BCAS3: variants seen among roughly 807,000 people sequenced by gnomAD.
BCAS3 encodes the protein BCAS3 microtubule associated cell migration factor.
BCAS3 carries 53 observed loss-of-function variants against 116.1 expected under a neutral mutation model. The observed-to-expected ratio is 0.46, with a 90% CI of 0.37 to 0.57. The LOEUF is 0.57. Among genes scored for constraint, BCAS3 ranks in the 20% least tolerant of loss-of-function variants. The pLI is 0.00. For synonymous variants in BCAS3, 391 were observed against 408.2 expected, an observed-to-expected ratio of 0.96 and a Z score of 0.51; for missense variants, 917 against 1,165.4, an observed-to-expected ratio of 0.79 and a Z score of 3.10.
Position 61,118,215 on chromosome 17 carries a change from C to T in BCAS3, c.2425+33651C>T, listed in dbSNP as rs1439236739. 6.6e-6 allele frequency among the ~76,000 whole-genome samples: 1 copy of T among 152,074 alleles called. No homozygotes were observed. Among genetic ancestry groups the T allele is most frequent in the East Asian group, 1.9e-4 (1 of 5,188 alleles). The stretch of plus-strand genomic sequence containing the variant: ...CGTTTCTGCCAGGTGGAGGTAGAAG[C>T]CCAGGTTCCTTACCACACTACTGTT... On this transcript the variant is annotated intron_variant, in intron 22 of 23. Transcript: ENST00000407086. The surrounding 1 kb of genome is among the most constrained non-coding windows in gnomAD (Gnocchi z 5.0).
chr17:61,322,838 G>GAGAGAGAGAGAGAGAGAGAC (rs2055392085), intron 22 of BCAS3, among the ~76,000 whole-genome samples: 3 of 139,132 alleles, frequency 2.2e-5, no homozygotes, highest in African/African-American at 9.4e-5. Context: ...GACAGAGAGA[G>GAGAGAGAGAGAGAGAGAGAC]AGAGAGAGAG....
chr17:61,197,587 CA>C (rs1283957182), intron 22 of BCAS3, among the ~76,000 whole-genome samples: 1 of 152,156 alleles, frequency 6.6e-6, no homozygotes, highest in Non-Finnish European at 1.5e-5. Flanking sequence ...GTGATCATCT[CA>C]GATACCTCCT....
At chr17:60,943,596 G>A (rs1414014797) in intron 13 of BCAS3, among the ~76,000 whole-genome samples, 1 of 152,046 alleles carries the variant, frequency 6.6e-6, no homozygotes, top group African/African-American at 2.4e-5. Flanking sequence ...AACTACACAT[G>A]TCCACAATTA....
chr17:61,040,355 TATA>T (rs1485241041), intron 18 of BCAS3, among the ~76,000 whole-genome samples: 1 of 152,242 alleles, frequency 6.6e-6, no homozygotes, highest in East Asian at 1.9e-4. Flanking sequence ...TAATTTGATC[TATA>T]ATAAGTCATC....
At chr17:60,789,799 A>G (rs918890722) in intron 6 of BCAS3, among the ~76,000 whole-genome samples, 1 of 152,180 alleles carries the variant, frequency 6.6e-6, no homozygotes, top group Admixed American at 6.5e-5. Context: ...AGTACATGCT[A>G]TTTATACTGC....
intron 14 of BCAS3, among the ~76,000 whole-genome samples, chr17:60,979,400 T>C (rs1266558502): frequency 9.4e-5 from 14 of 149,620 alleles, no homozygotes; most frequent in East Asian, 3.9e-4. Flanking sequence ...AAGGAGATTT[T>C]GGGCTGAGAC....
chr17:61,001,104 C>G (rs562301800), intron 15 of BCAS3, among the ~76,000 whole-genome samples: 3 of 152,078 alleles, frequency 2.0e-5, no homozygotes, highest in Non-Finnish European at 4.4e-5. Flanking sequence ...TTAACTTGTT[C>G]GTCCTCAGAG....
In BCAS3 at chr17:61,367,843, G is replaced by A. The variant is rs1239269090; in HGVS notation, c.2426-484G>A. On this transcript the variant is annotated intron_variant, in intron 22 of 23. Coordinates refer to ENST00000407086, the MANE Select transcript of BCAS3 (RefSeq NM_017679.5). This position sits in a 1 kb window ranked among gnomAD's most constrained non-coding sequence, Gnocchi z 6.2. ...TATTTATTTGTAGAGACAGGGTCTCGCGCTGTTGCCCAGGCTGGTCTCAAA... is the reference window on the plus strand; with the variant it reads ...TATTTATTTGTAGAGACAGGGTCTCACGCTGTTGCCCAGGCTGGTCTCAAA... 2.0e-5 allele frequency: 3 copies of A among 151,996 alleles called. No individual in the cohort carries two copies. The highest frequency in any genetic ancestry group is 6.6e-5 in the Admixed American group (1 of 15,252). The allele number at this position is 151,996 out of a possible 1,614,324, so 9.4% of individuals were successfully genotyped here.
At position 61,262,382 on chromosome 17, in the gene BCAS3, CTT is replaced by C. The variant is rs35793672; in HGVS notation, c.2426-105931_2426-105930del. Reference sequence around the variant, plus strand: ...CATAACATATTCATAGATAGGGAGACTTTTTTTTTTTTTTTGAGATATAATTC... The same window carrying C: ...CATAACATATTCATAGATAGGGAGACTTTTTTTTTTTTTGAGATATAATTC... On this transcript the variant is annotated intron_variant, in intron 22 of 23. Transcript: ENST00000407086. 4.0e-3 allele frequency among the ~76,000 whole-genome samples: 569 copies of C among 143,364 alleles called. 2 individuals carry two copies. The highest frequency in any genetic ancestry group is 4.6e-3 in the African/African-American group (180 of 39,276). The allele number at this position is 143,364 out of a possible 152,430, so 94.1% of individuals were successfully genotyped here.
At chr17:61,331,356 A>G (rs2056272488) in intron 22 of BCAS3, among the ~76,000 whole-genome samples, 1 of 152,164 alleles carries the variant, frequency 6.6e-6, no homozygotes, top group Non-Finnish European at 1.5e-5. Flanking sequence ...TGTTTCTGAC[A>G]GGATATGATC....
chr17:61,322,830 C>CAGAGAGAGAGAGAGAGAGAGACAGAGAG (rs2055372955), intron 22 of BCAS3, among the ~76,000 whole-genome samples: 1 of 75,434 alleles, frequency 1.3e-5, no homozygotes, highest in African/African-American at 5.2e-5. Context: ...GAGAGAGAGA[C>CAGAGAGAGAGAGAGAGAGAGACAGAGAG]AGAGAGAGAG....
chr17:60,910,245 T>C (rs920908475), intron 11 of BCAS3, among the ~76,000 whole-genome samples: 4 of 152,190 alleles, frequency 2.6e-5, no homozygotes, highest in African/African-American at 9.6e-5. Flanking sequence ...AAAATATAAT[T>C]GTACCCTTAT....
At chr17:61,121,150 A>T (rs1347488889) in intron 22 of BCAS3, among the ~76,000 whole-genome samples, 1 of 152,126 alleles carries the variant, frequency 6.6e-6, no homozygotes, top group Non-Finnish European at 1.5e-5. Context: ...TCTTTTCAGC[A>T]TACAGAGTTG....
chr17:60,807,769 G>A (rs1193132249), intron 6 of BCAS3, among the ~76,000 whole-genome samples: 1 of 147,492 alleles, frequency 6.8e-6, no homozygotes, highest in Non-Finnish European at 1.5e-5. Flanking sequence ...GTGACAGAGC[G>A]AGACTCTGTC....
At chr17:61,389,967 A>T (rs2060045521) in intron 23 of BCAS3, 1 of 152,286 alleles carries the variant, frequency 6.6e-6, no homozygotes, top group African/African-American at 2.4e-5. Context: ...CTGAGCTGTA[A>T]AAAGGGGCCA....
chr17:61,339,233 G>A lies in BCAS3; in HGVS notation c.2426-29094G>A, dbSNP rs556103684. Among the ~76,000 whole-genome samples, 6 of 152,206 alleles carry A rather than the reference G, an allele frequency of 3.9e-5. No individual in the cohort carries two copies. Among genetic ancestry groups the A allele is most frequent in the African/African-American group, 4.8e-5 (2 of 41,530 alleles). ...TGGCAGGCGCCACTTGCCCTTGGTC[G>A]GTTTTACTCCCTGCCCCTAGTGCCC... On this transcript the variant is annotated intron_variant, in intron 22 of 23. Coordinates refer to ENST00000407086, the MANE Select transcript of BCAS3 (RefSeq NM_017679.5). This position sits in a 1 kb window ranked among gnomAD's most constrained non-coding sequence, Gnocchi z 4.4.
chr17:61,205,838 T>C lies in BCAS3; in HGVS notation c.2425+121274T>C, dbSNP rs2081089556. ...AAGGACTGAATAGGTGAATAGTCATTGTATTCTTAGGGTGTGAAACTGTTT... is the reference window on the plus strand; with the variant it reads ...AAGGACTGAATAGGTGAATAGTCATCGTATTCTTAGGGTGTGAAACTGTTT... On this transcript the variant is annotated intron_variant, in intron 22 of 23. Coordinates refer to ENST00000407086, the MANE Select transcript of BCAS3 (RefSeq NM_017679.5). The surrounding 1 kb of genome is among the most constrained non-coding windows in gnomAD (Gnocchi z 5.2). Among the ~76,000 whole-genome samples the C allele has an allele frequency of 6.6e-6, 1 of 152,188 alleles. No homozygotes were observed. The highest frequency in any genetic ancestry group is 1.5e-5 in the Non-Finnish European group (1 of 68,030).
chr17:60,817,977 C>T (rs1180577420), intron 7 of BCAS3, among the ~76,000 whole-genome samples: 2 of 151,816 alleles, frequency 1.3e-5, no homozygotes, highest in African/African-American at 4.8e-5. Flanking sequence ...GCCACAGCCT[C>T]CCAGGTAGCT....
rs16945005 is a variant in BCAS3, at chr17:61,200,421, T to C, written c.2425+115857T>C. On this transcript the variant is annotated intron_variant, in intron 22 of 23. Coordinates refer to ENST00000407086, the MANE Select transcript of BCAS3 (RefSeq NM_017679.5). This position sits in a 1 kb window ranked among gnomAD's most constrained non-coding sequence, Gnocchi z 5.1. ...TTTATTATTTTATAGCCATAGCAAC[T>C]TGGTAAAGGAGAGATTATTATTCTT... 0.026 allele frequency among the ~76,000 whole-genome samples: 3,915 copies of C among 152,308 alleles called. 175 individuals are homozygous for C. Among genetic ancestry groups the C allele is most frequent in the African/African-American group, 0.09 (3,739 of 41,538 alleles).
Sources: allele counts gnomAD v4.1 joint callset (sites outside exome capture counted in the v4.1 genomes callset), GRCh38; gene constraint gnomAD v4.1.1; non-coding constraint Gnocchi (gnomAD v3.1); transcripts MANE v1.5; gene names NCBI Gene and HGNC (gene_info 2026-07-23, HGNC 2026-07-21).